Variants in DOCK1 observed in about 807,000 individuals in gnomAD.
The protein encoded by DOCK1 is dedicator of cytokinesis protein 1.
A neutral mutation model predicts 262.7 loss-of-function variants in DOCK1; 138 were observed. The observed-to-expected ratio is 0.53, with a 90% CI of 0.46 to 0.61. DOCK1 has a LOEUF of 0.61. Among genes scored for constraint, DOCK1 ranks in the 20% least tolerant of loss-of-function variants. The pLI is 0.00. For synonymous variants in DOCK1, 866 were observed against 867.4 expected (o/e 1.00, Z 0.03); for missense variants, 1,908 against 2,370.7 (o/e 0.80, Z 4.05).
At chr10:127,428,920 GGTACCGTGTGGATT>G (rs1209959253) in intron 47 of DOCK1, among the ~76,000 whole-genome samples, 13 of 140,344 alleles carry the variant, frequency 9.3e-5, no homozygotes, top group East Asian at 2.3e-4. Flanking sequence ...TGTGGATTGG[GGTACCGTGTGGATT>G]GTGCCGTGTG....
intron 1 of DOCK1, among the ~76,000 whole-genome samples, chr10:126,939,106 C>A (rs2034796032): frequency 6.6e-6 from 1 of 151,584 alleles, no homozygotes; most frequent in Non-Finnish European, 1.5e-5. Context: ...GGGATGAACA[C>A]AGGAGGGGAT....
intron 29 of DOCK1, among the ~76,000 whole-genome samples, chr10:127,303,717 C>T (rs1368280375): frequency 2.7e-5 from 4 of 148,446 alleles, no homozygotes; most frequent in African/African-American, 7.6e-5. Context: ...AAAAATTAGC[C>T]GGATCATGGT....
intron 23 of DOCK1, among the ~76,000 whole-genome samples, chr10:127,075,491 C>T (rs1185017918): frequency 6.6e-6 from 1 of 152,080 alleles, no homozygotes; most frequent in East Asian, 1.9e-4. Context: ...TCTATTTTCA[C>T]ACTGCTATAA....
chr10:126,994,473 C>T (rs891976818), intron 6 of DOCK1, among the ~76,000 whole-genome samples: 5 of 152,114 alleles, frequency 3.3e-5, no homozygotes, highest in Admixed American at 6.6e-5. Flanking sequence ...TGCGGCCTTC[C>T]GCAGTGTTTG....
intron 27 of DOCK1, among the ~76,000 whole-genome samples, chr10:127,204,113 T>A (rs1004069140): frequency 6.6e-6 from 1 of 152,174 alleles, no homozygotes; most frequent in African/African-American, 2.4e-5. Flanking sequence ...CGGAGGCTTC[T>A]GAGTGATCTC....
intron 46 of DOCK1, among the ~76,000 whole-genome samples, chr10:127,421,028 T>C (rs190789776): frequency 2.7e-3 from 407 of 152,058 alleles, no homozygotes; most frequent in African/African-American, 8.5e-3. Flanking sequence ...GTGATTCTCC[T>C]GCCTTAGCCT....
chr10:127,132,592 G>A (rs1161829254), intron 27 of DOCK1, among the ~76,000 whole-genome samples: 1 of 152,158 alleles, frequency 6.6e-6, no homozygotes, highest in African/African-American at 2.4e-5. Flanking sequence ...ACACGGATCT[G>A]AGCAGGTGAC....
chr10:127,135,894 A>C (rs189182632), intron 27 of DOCK1: 2 of 152,774 alleles, frequency 1.3e-5, no homozygotes, highest in Admixed American at 1.3e-4. Flanking sequence ...AGGAGAGAGA[A>C]CTTGTTGGAA....
chr10:127,195,100 T>A (rs2057016009), intron 27 of DOCK1, among the ~76,000 whole-genome samples: 1 of 152,172 alleles, frequency 6.6e-6, no homozygotes, highest in Admixed American at 6.5e-5. Flanking sequence ...CCTCTCCCTG[T>A]GGCATATTTT....
rs142461598 is a variant in DOCK1 at position 127,179,014 on chromosome 10, C to T, written c.2847+51250C>T. On this transcript the variant is annotated intron_variant, in intron 27 of 51. Transcript: ENST00000623213. ...CCAGGTATGTCAGAATGTATTGTGC[C>T]ATCATTCTGCAGAAGACCTTCATAC... is the stretch of plus-strand genomic sequence containing the variant. 4.9e-3 allele frequency among the ~76,000 whole-genome samples: 750 copies of T among 152,226 alleles called. 7 individuals carry two copies. Among genetic ancestry groups the T allele is most frequent in the African/African-American group, 0.017 (716 of 41,540 alleles).
chr10:127,414,057 A>G (rs775383924), intron 43 of DOCK1, among the ~76,000 whole-genome samples: 15 of 152,124 alleles, frequency 9.9e-5, no homozygotes, highest in African/African-American at 3.6e-4. Context: ...GACTATAGGC[A>G]CATGCCACCA....
intron 1 of DOCK1, among the ~76,000 whole-genome samples, chr10:126,908,378 G>A (rs75359032): frequency 0.03 from 4,513 of 152,292 alleles, 233 homozygotes; most frequent in African/African-American, 0.1. Flanking sequence ...CAACAGGGCT[G>A]TGTTTCCCTG....
At chr10:127,370,558 A>G (rs896536531) in intron 33 of DOCK1, among the ~76,000 whole-genome samples, 3 of 152,194 alleles carry the variant, frequency 2.0e-5, no homozygotes, top group Non-Finnish European at 4.4e-5. Context: ...AACAAAAATT[A>G]TGCGTTCCAA....
chr10:127,196,590 C>G (rs1395688958), intron 27 of DOCK1, among the ~76,000 whole-genome samples: 8 of 145,400 alleles, frequency 5.5e-5, no homozygotes, highest in Admixed American at 3.4e-4. Flanking sequence ...GGGCGGAGCC[C>G]CGGGCCCCGC....
chr10:127,224,844 G>A (rs1241162531), intron 27 of DOCK1, among the ~76,000 whole-genome samples: 1 of 151,872 alleles, frequency 6.6e-6, no homozygotes. Flanking sequence ...TTTAGGGAGA[G>A]GCAAAAAGGA....
In DOCK1 at chr10:127,415,379, C is replaced by G. The variant is rs550148956; in HGVS notation, c.4515+141C>G. ...CTCTACAGTTCCCATAACCACCCCA[C>G]CTGTTCTTGAGAGCATCGATATCTC... On this transcript the variant is annotated intron_variant, in intron 44 of 51. Coordinates refer to ENST00000623213, the MANE Select transcript of DOCK1 (RefSeq NM_001290223.2). 1.7e-5 allele frequency: 12 copies of G among 717,732 alleles called. No individual in the cohort carries two copies. The African/African-American group carries it at 1.8e-4, about 11-fold the overall frequency. The allele number at this position is 717,732 out of a possible 1,614,324, so 44.5% of individuals were successfully genotyped here.
chr10:127,373,994 T>A (rs1340365259), intron 34 of DOCK1, 64 bp from the exon 35 acceptor site: 2 of 1,544,202 alleles, frequency 1.3e-6, no homozygotes, highest in African/African-American at 2.8e-5. Context: ...ATAGTTAAAA[T>A]TGCACCTCTG....
At chr10:126,996,913 C>A in intron 7 of DOCK1, 30 bp downstream of exon 7, 1 of 1,541,196 alleles carries the variant, frequency 6.5e-7, no homozygotes, top group East Asian at 2.4e-5. Context: ...ATGCCATTCA[C>A]GTTTTCTCAG....
At chr10:126,944,463 G>C (rs926557783) in intron 1 of DOCK1, among the ~76,000 whole-genome samples, 1 of 152,136 alleles carries the variant, frequency 6.6e-6, no homozygotes, top group South Asian at 2.1e-4. Flanking sequence ...TTGGGAGTCA[G>C]CACGAAGATG....
Sources: allele counts gnomAD v4.1 joint callset (sites outside exome capture counted in the v4.1 genomes callset), GRCh38; gene constraint gnomAD v4.1.1; transcripts MANE v1.5; gene names NCBI Gene and HGNC (gene_info 2026-07-23, HGNC 2026-07-21).